RIMBP2: variants seen among roughly 807,000 people sequenced by gnomAD.
RIMBP2 encodes the protein RIMS-binding protein 2.
RIMBP2 carries 48 observed loss-of-function variants against 118.6 expected under a neutral mutation model. The observed-to-expected ratio is 0.40, with a 90% confidence interval of 0.32 to 0.51. The LOEUF (loss-of-function observed/expected upper bound fraction) is 0.51. RIMBP2 is among the 20% of genes least tolerant of loss of function. The pLI, the probability that RIMBP2 is intolerant of heterozygous loss-of-function variation, is 0.41. For synonymous variants in RIMBP2, 762 were observed against 742.9 expected, an observed-to-expected ratio of 1.03 and a Z score of -0.42; for missense variants, 1,551 against 1,768.3, an observed-to-expected ratio of 0.88 and a Z score of 2.20.
At chr12:130,640,597 G>A (rs148153903) in intron 1 of RIMBP2, among the ~76,000 whole-genome samples, 7 of 152,284 alleles carry the variant, frequency 4.6e-5, no homozygotes, top group South Asian at 2.1e-4. Context: ...CTGAAGCTTC[G>A]AAAGAGCCCG....
chr12:130,707,750 GGGGTCTCTGGCCAAGGGGACCGA>G (rs1949603809), intron 1 of RIMBP2, among the ~76,000 whole-genome samples: 2 of 152,164 alleles, frequency 1.3e-5, no homozygotes, highest in South Asian at 4.1e-4. Context: ...GACAAGACCA[GGGGTCTCTGGCCAAGGGGACCGA>G]GGCGGCCCGA....
Position 130,441,919 on chromosome 12 carries a change from A to G in RIMBP2, c.1433T>C (p.Met478Thr). 1 of 1,613,956 alleles carries G rather than the reference A, an allele frequency of 6.2e-7. No homozygotes were observed. The highest frequency in any genetic ancestry group is 1.6e-4 in the Middle Eastern group (1 of 6,062). The change falls in exon 11 of 23, where the codon ATG (methionine) becomes ACG (threonine). Residue 478 changes from methionine to threonine, a missense_variant. Coordinates refer to ENST00000690449, the MANE Select transcript of RIMBP2 (RefSeq NM_001393629.1). Reference sequence around the variant, plus strand: ...TTGCTCCAGCGGGAGCTGCCACGGCATCTGGTGGGGTTTGGCCAGAACCTT... The same window carrying G: ...TTGCTCCAGCGGGAGCTGCCACGGCGTCTGGTGGGGTTTGGCCAGAACCTT... ...KVKVLAKPHQ[M>T]PWQLPLEQRE...
intron 3 of RIMBP2, among the ~76,000 whole-genome samples, chr12:130,512,860 T>G (rs192834916): frequency 6.6e-6 from 1 of 152,380 alleles, no homozygotes; most frequent in Admixed American, 6.5e-5. Flanking sequence ...TTATGCGATT[T>G]TTTTTAGAGA....
At chr12:130,606,922 C>T (rs1489771488) in intron 2 of RIMBP2, among the ~76,000 whole-genome samples, 2 of 152,178 alleles carry the variant, frequency 1.3e-5, no homozygotes, top group African/African-American at 4.8e-5. Flanking sequence ...ACCTCCGCCT[C>T]CCGGGTTCAA....
chr12:130,501,341 C>T (rs146405811), intron 4 of RIMBP2, among the ~76,000 whole-genome samples: 402 of 152,284 alleles, frequency 2.6e-3, no homozygotes, highest in African/African-American at 9.2e-3. Flanking sequence ...AAGCCAGATG[C>T]ACCTCCTCTC....
chr12:130,691,164 T>C (rs1594209157), intron 1 of RIMBP2, among the ~76,000 whole-genome samples: 1 of 152,122 alleles, frequency 6.6e-6, no homozygotes, highest in African/African-American at 2.4e-5. Flanking sequence ...CTCAAGCCTC[T>C]CCAGTGCCCT....
intron 4 of RIMBP2, among the ~76,000 whole-genome samples, chr12:130,480,287 A>C (rs545622684): frequency 1.1e-3 from 163 of 152,134 alleles, no homozygotes; most frequent in Non-Finnish European, 1.9e-3. Flanking sequence ...TTTATATAAA[A>C]GACCAGATTC....
In RIMBP2 at chr12:130,565,838, C is replaced by T. The variant is rs369950305; in HGVS notation, c.-216-47921G>A. ...CAGTGATTTCAGGGCTGTTGCCACA[C>T]AGCATCCCAATTTTGCTGGAGATGG... On this transcript the variant is annotated intron_variant, in intron 2 of 22. Coordinates refer to ENST00000690449, the MANE Select transcript of RIMBP2 (RefSeq NM_001393629.1). 5.3e-5 allele frequency among the ~76,000 whole-genome samples: 8 copies of T among 152,356 alleles called. No individual in the cohort carries two copies. The South Asian group carries it at 1.5e-3, about 28-fold the overall frequency.
intron 4 of RIMBP2, among the ~76,000 whole-genome samples, chr12:130,496,766 G>A (rs944877342): frequency 6.6e-6 from 1 of 152,162 alleles, no homozygotes; most frequent in Non-Finnish European, 1.5e-5. Flanking sequence ...GAGGAGCCAA[G>A]GAGGACCGCA....
At chr12:130,673,995 GT>G (rs1343383607) in intron 1 of RIMBP2, among the ~76,000 whole-genome samples, 5 of 151,664 alleles carry the variant, frequency 3.3e-5, no homozygotes, top group African/African-American at 1.2e-4. Context: ...GCACGCACCT[GT>G]AATCCCAGCT....
chr12:130,639,128 C>T (rs372409308), intron 1 of RIMBP2, among the ~76,000 whole-genome samples: 3 of 152,300 alleles, frequency 2.0e-5, no homozygotes, highest in African/African-American at 7.2e-5. Flanking sequence ...TGGCTCACGC[C>T]TGTAATCCCA....
rs373251521 is a variant in RIMBP2, at chr12:130,445,244, C to T, written c.607G>A (p.Glu203Lys). 3.1e-6 allele frequency: 5 copies of T among 1,613,050 alleles called. No individual in the cohort carries two copies. Among genetic ancestry groups the T allele is most frequent in the East Asian group, 2.2e-5 (1 of 44,818 alleles). The change falls in exon 10 of 23, where the codon GAG becomes AAG. Residue 203 changes from glutamate to lysine, a missense_variant. Physicochemically the swap from Glu to Lys is moderately conservative, Grantham distance 56. Around this residue, in one of 5 missense-constraint regions of RIMBP2, gnomAD observed 6 missense variants for 20.3 expected, o/e 0.29. Coordinates refer to ENST00000690449, the MANE Select transcript of RIMBP2 (RefSeq NM_001393629.1). ...YSYNPFDGPN[E>K]NPEAELPLTA... ...AGGGGCAGCTCAGCTTCGGGGTTCT[C>T]GTTCGGTCCATCGAAGGGGTTGTAA...
At chr12:130,629,076 T>C (rs2061823200) in intron 1 of RIMBP2, among the ~76,000 whole-genome samples, 1 of 152,132 alleles carries the variant, frequency 6.6e-6, no homozygotes, top group East Asian at 1.9e-4. Context: ...AATCAAAATA[T>C]CAGAAATTTC....
chr12:130,712,428 AG>A (rs1949986100), intron 1 of RIMBP2, among the ~76,000 whole-genome samples: 1 of 152,112 alleles, frequency 6.6e-6, no homozygotes, highest in Non-Finnish European at 1.5e-5. Context: ...TGCTGTTAAA[AG>A]CTAAGACATA....
In RIMBP2 at chr12:130,406,222, C is replaced by T; in HGVS notation, c.3715G>A (p.Gly1239Arg). The change falls in exon 21 of 23, where the codon GGA becomes AGA. Residue 1239 changes from glycine (G) to arginine (R), a missense_variant. This residue lies in a region of RIMBP2 where 1,038 missense variants were observed against 1,125.1 expected (regional missense o/e 0.92). Transcript: ENST00000690449. ...DVEAELTFCTGDIITVFGEID... is the reference protein window; with the variant it reads ...DVEAELTFCTRDIITVFGEID... ...TCACCAAAAACTGTAATAATATCTCCTGTGCAAAATGTAAGTTCGGCCTGT... is the reference window on the plus strand; with the variant it reads ...TCACCAAAAACTGTAATAATATCTCTTGTGCAAAATGTAAGTTCGGCCTGT... 5 of 1,604,804 alleles carry T rather than the reference C, an allele frequency of 3.1e-6. No homozygotes were observed. The highest frequency in any genetic ancestry group is 4.3e-6 in the Non-Finnish European group (5 of 1,173,502).
intron 6 of RIMBP2, among the ~76,000 whole-genome samples, chr12:130,457,836 G>A (rs191693733): frequency 3.3e-4 from 51 of 152,316 alleles, no homozygotes; most frequent in African/African-American, 7.7e-4. Context: ...TGTGGGCACC[G>A]TGCTCCTCGT....
At chr12:130,544,094 C>T (rs2054867857) in intron 2 of RIMBP2, among the ~76,000 whole-genome samples, 1 of 152,214 alleles carries the variant, frequency 6.6e-6, no homozygotes, top group Admixed American at 6.5e-5. Context: ...TCTCAAACAT[C>T]TAAGGGCAGT....
chr12:130,469,382 C>CCCCT lies in RIMBP2; in HGVS notation c.153+1310_153+1311insAGGG, dbSNP rs2080806323. On this transcript the variant is annotated intron_variant, in intron 6 of 22. Transcript: ENST00000690449. The surrounding 1 kb of genome is among the most constrained non-coding windows in gnomAD (Gnocchi z 4.8). Reference sequence around the variant, plus strand: ...CCCTCAGAGGCGGATTGAAGCCACACAGGGTCATGTCAATGGGCTCCGGGG... The same window carrying CCCCT: ...CCCTCAGAGGCGGATTGAAGCCACACCCCTAGGGTCATGTCAATGGGCTCCGGGG... Among the ~76,000 whole-genome samples, 1 of 152,136 alleles carries CCCCT rather than the reference C, an allele frequency of 6.6e-6. No homozygotes were observed. The highest frequency in any genetic ancestry group is 2.1e-4 in the South Asian group (1 of 4,832).
intron 1 of RIMBP2, among the ~76,000 whole-genome samples, chr12:130,661,770 G>A (rs7978547): frequency 0.54 from 82,653 of 151,994 alleles, 23,086 homozygotes; most frequent in Non-Finnish European, 0.62. Context: ...CAATAACTAC[G>A]GTCAGTGAAG....
Sources: gnomAD v4.1 joint callset for allele counts (sites outside exome capture counted in the v4.1 genomes callset) on GRCh38, gnomAD v4.1.1 for gene constraint, gnomAD v4.1.1 regional missense constraint, Gnocchi (gnomAD v3.1) non-coding constraint, MANE v1.5 for transcripts, NCBI Gene and HGNC (gene_info 2026-07-23, HGNC 2026-07-21) for gene names.